SAP130: variants seen among roughly 807,000 people sequenced by gnomAD.
SAP130 encodes histone deacetylase complex subunit SAP130.
A neutral mutation model predicts 103.2 loss-of-function variants in SAP130; 16 were observed. The observed-to-expected ratio is 0.16, with a 90% CI of 0.10 to 0.24. The LOEUF is 0.24. SAP130 is among the 10% of genes least tolerant of loss of function. SAP130 has a pLI of 1.00. For synonymous variants in SAP130, 477 were observed against 497.0 expected (o/e 0.96, Z 0.53); for missense variants, 990 against 1,359.7 (o/e 0.73, Z 4.28).
chr2:128,022,617 C>T (rs890731585), intron 2 of SAP130, among the ~76,000 whole-genome samples: 2 of 152,144 alleles, frequency 1.3e-5, no homozygotes, highest in African/African-American at 2.4e-5. Context: ...CATTCCAACA[C>T]TTGGTATTGT....
intron 15 of SAP130, among the ~76,000 whole-genome samples, chr2:127,971,021 A>T (rs892556304): frequency 2.0e-5 from 3 of 151,622 alleles, no homozygotes; most frequent in African/African-American, 7.3e-5. Flanking sequence ...CATGAACACA[A>T]CTCACTATAA....
Position 127,942,352 on chromosome 2 carries a change from C to A in SAP130, c.3015+72G>T. On this transcript the variant is annotated intron_variant, in intron 20 of 20. Coordinates refer to ENST00000643581, the MANE Select transcript of SAP130 (RefSeq NM_001330301.2). The surrounding 1 kb of genome is among the most constrained non-coding windows in gnomAD (Gnocchi z 4.8). ...AAGATATGAGGGAGACGGGGGGAAACGGGAGAAGTAGGGCTTTACAGAAAG... is the reference window on the plus strand; with the variant it reads ...AAGATATGAGGGAGACGGGGGGAAAAGGGAGAAGTAGGGCTTTACAGAAAG... 1 of 1,183,730 alleles carries A rather than the reference C, an allele frequency of 8.4e-7. No individual in the cohort carries two copies. 73.3% of individuals were successfully genotyped at this position (1,183,730 alleles called of 1,614,324 possible).
intron 4 of SAP130, among the ~76,000 whole-genome samples, chr2:128,015,926 G>A (rs1273033403): frequency 3.4e-5 from 5 of 146,242 alleles, no homozygotes; most frequent in Admixed American, 6.8e-5. Context: ...GGGTGACACC[G>A]TGAGATTCTG....
chr2:127,946,550 T>A (rs72969605), intron 18 of SAP130, among the ~76,000 whole-genome samples: 5,050 of 152,112 alleles, frequency 0.033, 202 homozygotes, highest in East Asian at 0.14. Context: ...CCCAAAGACA[T>A]GTTGAAGATC....
chr2:127,968,428 T>G (rs1308689667), intron 15 of SAP130, among the ~76,000 whole-genome samples: 62 of 150,802 alleles, frequency 4.1e-4, no homozygotes, highest in Admixed American at 1.1e-3. Context: ...TTTTTTTTTT[T>G]TTTTTTTTTT....
intron 12 of SAP130, among the ~76,000 whole-genome samples, chr2:127,992,975 G>A (rs1371188304): frequency 6.6e-6 from 1 of 152,082 alleles, no homozygotes; most frequent in Non-Finnish European, 1.5e-5. Flanking sequence ...CCTCAGGGTG[G>A]CATAATACTA....
At position 127,969,619 on chromosome 2, in the gene SAP130, A is replaced by G. The variant is rs555227099; in HGVS notation, c.2063+8366T>C. Among the ~76,000 whole-genome samples the G allele has an allele frequency of 2.6e-5, 4 of 152,334 alleles. No individual in the cohort carries two copies. In the East Asian group the frequency reaches 7.7e-4, roughly 29 times the overall value. On this transcript the variant is annotated intron_variant, in intron 15 of 20. Transcript: ENST00000643581. ...CAGTTCTGGAGGCCAGAAGTCTGAG[A>G]TCAAAGAGTTGGCAGGGCTGGTTCT...
Position 128,000,461 on chromosome 2 carries a change from A to G in SAP130, c.870-7T>C. 6.2e-7 allele frequency: 1 copy of G among 1,614,120 alleles called. No individual in the cohort carries two copies. The highest frequency in any genetic ancestry group is 8.5e-7 in the Non-Finnish European group (1 of 1,180,002). ...GATAGACAAGGTTGGCCTACTGAAA[A>G]GATAACAAAGACACAATGCAGATGG... On this transcript the variant is annotated splice_region_variant and splice_polypyrimidine_tract_variant and intron_variant, in intron 7 of 20. Transcript: ENST00000643581.
chr2:128,000,985 G>A (rs1264678135), intron 7 of SAP130, among the ~76,000 whole-genome samples: 1 of 152,182 alleles, frequency 6.6e-6, no homozygotes, highest in East Asian at 1.9e-4. Context: ...GTAAGTTTTT[G>A]ACAAATTTCC....
Position 127,942,215 on chromosome 2 carries a change from G to A in SAP130, c.3016-51C>T. 3 of 1,521,520 alleles carry A rather than the reference G, an allele frequency of 2.0e-6. No homozygotes were observed. Among genetic ancestry groups the A allele is most frequent in the Non-Finnish European group, 2.7e-6 (3 of 1,128,918 alleles). The allele number at this position is 1,521,520 out of a possible 1,614,324, so 94.3% of individuals were successfully genotyped here. A position where few individuals can be genotyped will look rare whatever the true frequency, so the allele number is the denominator to read the frequency against. Reference sequence around the variant, plus strand: ...AATCAGTGACCATGAGGATAGTACAGCTTTTAAAAAACTGCTTGCCTTTGG... The same window carrying A: ...AATCAGTGACCATGAGGATAGTACAACTTTTAAAAAACTGCTTGCCTTTGG... On this transcript the variant is annotated intron_variant, in intron 20 of 20. Coordinates refer to ENST00000643581, the MANE Select transcript of SAP130 (RefSeq NM_001330301.2). The surrounding 1 kb of genome is among the most constrained non-coding windows in gnomAD (Gnocchi z 4.8).
At position 127,950,305 on chromosome 2, in the gene SAP130, C is replaced by T. The variant is rs1679408400; in HGVS notation, c.2526G>A (p.Arg842=). 1 of 1,614,154 alleles carries T rather than the reference C, an allele frequency of 6.2e-7. No homozygotes were observed. Among genetic ancestry groups the T allele is most frequent in the East Asian group, 2.2e-5 (1 of 44,888 alleles). ...TSDLPPGASP[R]KKPRKQQHVI... ...CATGCTGTTGCTTTCGAGGCTTTTT[C>T]CTTGGGGAGGCACCAGGTGGTAGGT... The change falls in exon 17 of 21, where the codon AGG becomes AGA. Residue 842 remains arginine, a synonymous_variant. Coordinates refer to ENST00000643581, the MANE Select transcript of SAP130 (RefSeq NM_001330301.2).
rs200284012 is a variant in SAP130 at position 127,989,864 on chromosome 2, A to C, written c.1480T>G (p.Ser494Ala). 14 of 1,611,842 alleles carry C rather than the reference A, an allele frequency of 8.7e-6. No homozygotes were observed. The highest frequency in any genetic ancestry group is 1.2e-5 in the Non-Finnish European group (14 of 1,178,128). Residue 494 changes from serine to alanine, a missense_variant and splice_region_variant, in exon 13 of 21, where the codon TCA becomes GCA. Ser to Ala is a moderately conservative substitution (Grantham distance 99). Transcript: ENST00000643581. The surrounding 1 kb of genome is among the most constrained non-coding windows in gnomAD (Gnocchi z 4.6). ...SVSTIRQYPV[S>A]AQAPNSAITA... ...ATGGCAGAGTTTGGAGCCTGAGCTG[A>C]AACTAAAAATGATGCGAAAGGTAAC...
rs376957177 is a variant in SAP130, at chr2:127,954,978, G to A, written c.2422+8C>T. Reference sequence around the variant, plus strand: ...TGCCAATGGAGAGTATTCTATGGACGGACTTACCAGAAACTGGCCTCATGA... The same window carrying A: ...TGCCAATGGAGAGTATTCTATGGACAGACTTACCAGAAACTGGCCTCATGA... On this transcript the variant is annotated splice_region_variant and intron_variant, in intron 16 of 20. Coordinates refer to ENST00000643581, the MANE Select transcript of SAP130 (RefSeq NM_001330301.2). 1.5e-5 allele frequency: 24 copies of A among 1,579,848 alleles called. 1 individual carries two copies. Among genetic ancestry groups the A allele is most frequent in the South Asian group, 3.5e-5 (3 of 86,622 alleles).
chr2:128,004,611 T>C (rs1319892467), intron 7 of SAP130, among the ~76,000 whole-genome samples: 1 of 152,080 alleles, frequency 6.6e-6, no homozygotes, highest in Non-Finnish European at 1.5e-5. Context: ...CCAAAATCTT[T>C]TGTGTAACAG....
chr2:128,011,767 C>A (rs1459909321), intron 6 of SAP130, among the ~76,000 whole-genome samples: 1 of 152,170 alleles, frequency 6.6e-6, no homozygotes, highest in Non-Finnish European at 1.5e-5. Context: ...CCTGAAAGTG[C>A]TTAAGGGGAC....
In SAP130 at chr2:127,986,416, A is replaced by T. The variant is rs531039315; in HGVS notation, c.1958+369T>A. Among the ~76,000 whole-genome samples, 21 of 152,362 alleles carry T rather than the reference A, an allele frequency of 1.4e-4. No homozygotes were observed. Among genetic ancestry groups the T allele is most frequent in the African/African-American group, 4.8e-4 (20 of 41,586 alleles). On this transcript the variant is annotated intron_variant, in intron 14 of 20. Transcript: ENST00000643581. The surrounding 1 kb of genome is among the most constrained non-coding windows in gnomAD (Gnocchi z 4.7). ...AGGGAACTTTTCCCGTTTCAACAGC[A>T]ACGATTCATGCTGAATGAAGTTTAT... is the stretch of plus-strand genomic sequence containing the variant.
chr2:128,005,251 T>C (rs1360750834), intron 7 of SAP130, among the ~76,000 whole-genome samples: 2 of 152,082 alleles, frequency 1.3e-5, no homozygotes, highest in African/African-American at 4.8e-5. Flanking sequence ...TGAGAGACAA[T>C]GCTGAAAATG....
intron 15 of SAP130, among the ~76,000 whole-genome samples, chr2:127,975,973 T>C (rs1169610192): frequency 1.3e-5 from 2 of 152,124 alleles, no homozygotes; most frequent in African/African-American, 4.8e-5. Flanking sequence ...GCCTCCTGAG[T>C]AGCTGGGACT....
At chr2:127,966,344 C>T (rs559640466) in intron 15 of SAP130, among the ~76,000 whole-genome samples, 2 of 151,860 alleles carry the variant, frequency 1.3e-5, no homozygotes, top group East Asian at 3.9e-4. Flanking sequence ...GACTCCGTCT[C>T]AAAAAAATAA....
Sources: gnomAD v4.1 joint callset for allele counts (sites outside exome capture counted in the v4.1 genomes callset) on GRCh38, gnomAD v4.1.1 for gene constraint, Gnocchi (gnomAD v3.1) non-coding constraint, MANE v1.5 for transcripts, NCBI Gene and HGNC (gene_info 2026-07-23, HGNC 2026-07-21) for gene names.